Variants in ARHGAP26 observed in about 807,000 individuals in gnomAD.
ARHGAP26 encodes the protein rho GTPase-activating protein 26.
ARHGAP26 carries 38 observed loss-of-function variants against 104.8 expected under a neutral mutation model. The ratio of observed to expected loss-of-function variants is 0.36; its 90% CI spans 0.28 to 0.48. The LOEUF is 0.48. Ranked by LOEUF, ARHGAP26 falls within the 20% of genes least tolerant of loss-of-function variation. The probability of loss-of-function intolerance (pLI) is 0.99; values close to 1 mark genes in which losing one functional copy is unlikely to be tolerated. For synonymous variants in ARHGAP26, 341 were observed against 340.0 expected (o/e 1.00, Z -0.03); for missense variants, 704 against 947.9 (o/e 0.74, Z 3.38).
chr5:143,067,326 T>C (rs1787643889), intron 17 of ARHGAP26, among the ~76,000 whole-genome samples: 1 of 152,194 alleles, frequency 6.6e-6, no homozygotes, highest in Admixed American at 6.5e-5. Flanking sequence ...AACGGCCCTC[T>C]TGACCTTCCA....
At chr5:143,012,569 A>ATACATATATATATATATT (rs1779015499) in intron 11 of ARHGAP26, among the ~76,000 whole-genome samples, 1 of 87,344 alleles carries the variant, frequency 1.1e-5, no homozygotes, top group Non-Finnish European at 2.8e-5. Flanking sequence ...ATATATATAT[A>ATACATATATATATATATT]TATATATTAT....
At chr5:143,160,474 G>GTTTTTTTTT (rs201337868) in intron 20 of ARHGAP26, among the ~76,000 whole-genome samples, 1 of 95,406 alleles carries the variant, frequency 1.0e-5, no homozygotes, top group Non-Finnish European at 2.1e-5. Flanking sequence ...TGCTTTTGGT[G>GTTTTTTTTT]GTTTTTTTTT....
intron 20 of ARHGAP26, among the ~76,000 whole-genome samples, chr5:143,194,498 G>A (rs258765): frequency 0.67 from 101,514 of 152,036 alleles, 36,068 homozygotes; most frequent in East Asian, 0.93. Context: ...ATTTATGTAT[G>A]AAACCTTTTT....
chr5:143,114,301 G>A (rs2150737605), intron 17 of ARHGAP26, among the ~76,000 whole-genome samples: 1 of 152,310 alleles, frequency 6.6e-6, no homozygotes, highest in Admixed American at 6.5e-5. Flanking sequence ...GCCCTGACGG[G>A]TGTTCTCGAC....
At chr5:143,008,247 G>A (rs2152804047) in intron 11 of ARHGAP26, among the ~76,000 whole-genome samples, 1 of 152,306 alleles carries the variant, frequency 6.6e-6, no homozygotes, top group South Asian at 2.1e-4. Context: ...GCAAGACTGA[G>A]GTCTAGGGAT....
At chr5:142,992,644 G>GT (rs1354444485) in intron 11 of ARHGAP26, among the ~76,000 whole-genome samples, 2 of 151,926 alleles carry the variant, frequency 1.3e-5, no homozygotes, top group African/African-American at 4.8e-5. Flanking sequence ...AGCCAGGATG[G>GT]TCTCGATCTC....
intron 20 of ARHGAP26, chr5:143,169,410 G>C (rs923501261): frequency 6.6e-6 from 1 of 152,252 alleles, no homozygotes; most frequent in East Asian, 1.9e-4. Context: ...GCTCTTGCCA[G>C]CTCTCATTTC....
chr5:142,905,020 T>G (rs2152461254), intron 8 of ARHGAP26, among the ~76,000 whole-genome samples: 1 of 152,330 alleles, frequency 6.6e-6, no homozygotes, highest in African/African-American at 2.4e-5. Flanking sequence ...ACATTCCTTA[T>G]TCTTACAGAG....
Position 142,770,840 on chromosome 5 carries a change from G to A in ARHGAP26, c.79G>A (p.Ala27Thr). The A allele has an allele frequency of 6.2e-7, 1 of 1,611,826 alleles. No individual in the cohort carries two copies. The highest frequency in any genetic ancestry group is 8.5e-7 in the Non-Finnish European group (1 of 1,178,886). Residue 27 changes from alanine (A) to threonine (T), a missense_variant, in exon 1 of 23, where the codon GCA becomes ACA. Ala to Thr is a moderately conservative substitution (Grantham distance 58). Around this residue, in one of 6 missense-constraint regions of ARHGAP26, gnomAD observed 77 missense variants for 82.6 expected, o/e 0.93. Coordinates refer to ENST00000645722, the MANE Select transcript of ARHGAP26 (RefSeq NM_001135608.3). The part of the protein sequence containing the change: ...HFRETLKSHE[A>T]ELDKTNKFIK... ...CCGAGAGACGCTCAAGTCGCACGAA[G>A]CAGAGCTGGACAAGACCAACAAATT...
At position 143,222,280 on chromosome 5, in the gene ARHGAP26, CA is replaced by C. The variant is rs1811302501; in HGVS notation, c.2192-77del. ...ACACACACACACACACACACACACA[CA>C]CACCCCACACACACATCTGCCGCCT... On this transcript the variant is annotated intron_variant, in intron 22 of 22. Coordinates refer to ENST00000645722, the MANE Select transcript of ARHGAP26 (RefSeq NM_001135608.3). The C allele has an allele frequency of 6.0e-5, 52 of 869,476 alleles. No individual in the cohort carries two copies. The South Asian group carries it at 6.3e-4, about 11-fold the overall frequency. The allele number at this position is 869,476 out of a possible 1,614,324, so 53.9% of individuals were successfully genotyped here.
chr5:143,028,199 A>C (rs1299770705), intron 12 of ARHGAP26, among the ~76,000 whole-genome samples: 2 of 152,194 alleles, frequency 1.3e-5, no homozygotes, highest in African/African-American at 4.8e-5. Context: ...TGATAAGAAA[A>C]TGATGCACCT....
intron 22 of ARHGAP26, among the ~76,000 whole-genome samples, chr5:143,217,756 C>T (rs898387854): frequency 2.6e-5 from 4 of 152,218 alleles, no homozygotes; most frequent in Non-Finnish European, 4.4e-5. Flanking sequence ...GCCACCTTCA[C>T]CTCTCACCTG....
chr5:143,202,453 A>G (rs1807904071), intron 20 of ARHGAP26: 1 of 152,210 alleles, frequency 6.6e-6, no homozygotes, highest in Admixed American at 6.5e-5. Context: ...ATGTTCATGG[A>G]TAGGAAGAAT....
At chr5:143,169,911 A>G (rs983426085) in intron 20 of ARHGAP26, 1 of 152,138 alleles carries the variant, frequency 6.6e-6, no homozygotes, top group Non-Finnish European at 1.5e-5. Context: ...CCCTTTTTTC[A>G]GTCCAAAGGC....
chr5:143,159,875 G>A (rs776162323), intron 20 of ARHGAP26, among the ~76,000 whole-genome samples: 34 of 151,992 alleles, frequency 2.2e-4, no homozygotes, highest in African/African-American at 6.5e-4. Context: ...GATCTGTGGC[G>A]GAAGGAACAC....
At chr5:142,801,410 G>A (rs1434973831) in intron 1 of ARHGAP26, among the ~76,000 whole-genome samples, 8 of 152,038 alleles carry the variant, frequency 5.3e-5, no homozygotes, top group Non-Finnish European at 1.2e-4. Flanking sequence ...AATGTATAGT[G>A]TCACTGTTGT....
chr5:143,003,935 T>C (rs1177361556), intron 11 of ARHGAP26, among the ~76,000 whole-genome samples: 1 of 151,354 alleles, frequency 6.6e-6, no homozygotes, highest in African/African-American at 2.4e-5. Flanking sequence ...CTATGAACAA[T>C]TTGCGAATTG....
intron 10 of ARHGAP26, among the ~76,000 whole-genome samples, chr5:142,928,248 T>TA (rs66480874): frequency 0.12 from 18,083 of 144,818 alleles, 3,209 homozygotes; most frequent in African/African-American, 0.4. Context: ...TTTTTTTTTT[T>TA]AAAACTCATT....
intron 5 of ARHGAP26, among the ~76,000 whole-genome samples, chr5:142,893,255 C>T (rs1758961395): frequency 6.6e-6 from 1 of 152,094 alleles, no homozygotes; most frequent in Non-Finnish European, 1.5e-5. Flanking sequence ...GGATTATAGG[C>T]ATGAACCACG....
Sources: allele counts gnomAD v4.1 joint callset (sites outside exome capture counted in the v4.1 genomes callset), GRCh38; gene constraint gnomAD v4.1.1; regional missense constraint gnomAD v4.1.1; transcripts MANE v1.5; gene names NCBI Gene and HGNC (gene_info 2026-07-23, HGNC 2026-07-21).